The following TRMT11 variants were observed in gnomAD, a reference collection of about 807,000 sequenced individuals.
TRMT11 encodes the protein tRNA methyltransferase 11, also known as tRNA (guanine(10)-N(2))-methyltransferase TRMT11.
In TRMT11, 53 loss-of-function variants were observed where a neutral mutation model predicts 62.8. The ratio of observed to expected loss-of-function variants is 0.84; its 90% CI spans 0.68 to 1.06. The LOEUF (loss-of-function observed/expected upper bound fraction) is 1.06. Ranked by LOEUF, TRMT11 falls within the 50% of genes least tolerant of loss-of-function variation. TRMT11 has a pLI of 0.00. For missense variants in TRMT11, 556 were observed against 553.4 expected (o/e 1.00, Z -0.05); for synonymous variants, 188 against 190.3 (o/e 0.99, Z 0.10).
chr6:126,266,289 TCA>T, the TRMT11 span, among the ~76,000 whole-genome samples: 9 of 152,288 alleles, frequency 5.9e-5, no homozygotes, highest in African/African-American at 2.2e-4. Context: ...CTTGGGGCGC[TCA>T]GAATGTGAAG....
At position 126,047,165 on chromosome 6, in the gene TRMT11, G is replaced by A. The variant is rs112255635; in HGVS notation, c.*1370-5958G>A. Among the ~76,000 whole-genome samples, 205 of 151,950 alleles carry A rather than the reference G, an allele frequency of 1.3e-3. 2 individuals carry two copies. Among genetic ancestry groups the A allele is most frequent in the African/African-American group, 4.7e-3 (197 of 41,474 alleles). On this transcript the variant is annotated intron_variant and NMD_transcript_variant, in intron 16 of 22. Transcript: ENST00000648977. ...GCAGGGAAATACTGGGTAGAAGAGG[G>A]CAGCGCCCTGACAAAGGCCCCACCC...
downstream of TRMT11, among the ~76,000 whole-genome samples, chr6:126,042,406 G>A (rs1775906880): frequency 6.6e-6 from 1 of 152,168 alleles, no homozygotes; most frequent in African/African-American, 2.4e-5. Context: ...TTTGGGGGAT[G>A]GAGGTTTAAT....
chr6:126,079,129 A>G (rs559725059), intron 17 of TRMT11, among the ~76,000 whole-genome samples: 1 of 152,308 alleles, frequency 6.6e-6, no homozygotes, highest in Admixed American at 6.5e-5. Context: ...CAGTGTCTCC[A>G]GAGAGAATCA....
intron 16 of TRMT11, among the ~76,000 whole-genome samples, chr6:126,045,613 C>T (rs910574368): frequency 6.6e-6 from 1 of 152,098 alleles, no homozygotes; most frequent in Non-Finnish European, 1.5e-5. Flanking sequence ...TTTTTGCTAA[C>T]CCTTTTCTGG....
intron 17 of TRMT11, among the ~76,000 whole-genome samples, chr6:126,106,541 C>T (rs867385354): frequency 6.6e-6 from 1 of 152,082 alleles, no homozygotes; most frequent in African/African-American, 2.4e-5. Flanking sequence ...GGCTAGAATT[C>T]GAAGATAGAT....
At chr6:126,064,131 G>T (rs1583855771) in intron 17 of TRMT11, among the ~76,000 whole-genome samples, 1 of 152,208 alleles carries the variant, frequency 6.6e-6, no homozygotes, top group African/African-American at 2.4e-5. Flanking sequence ...CGTGAGCACT[G>T]GGGGAGGGAG....
upstream of TRMT11, among the ~76,000 whole-genome samples, chr6:126,172,909 G>T (rs1303056420): frequency 6.6e-6 from 1 of 152,186 alleles, no homozygotes; most frequent in Admixed American, 6.5e-5. Context: ...CAGAAGGGAA[G>T]GGAGTTTATA....
chr6:126,150,397 A>G (rs1263816639), intron 21 of TRMT11, among the ~76,000 whole-genome samples: 1 of 152,222 alleles, frequency 6.6e-6, no homozygotes, highest in Non-Finnish European at 1.5e-5. Flanking sequence ...AAACAATAGA[A>G]AATGAACCAA....
chr6:126,257,658 T>C, the TRMT11 span, among the ~76,000 whole-genome samples: 1 of 152,322 alleles, frequency 6.6e-6, no homozygotes, highest in South Asian at 2.1e-4. Context: ...CTTTTTATTA[T>C]TTTTATTTTT....
At chr6:126,264,977 G>C in the TRMT11 span, among the ~76,000 whole-genome samples, 1 of 152,164 alleles carries the variant, frequency 6.6e-6, no homozygotes, top group Non-Finnish European at 1.5e-5. Context: ...AAATGGGAAA[G>C]TCAAGGTTCA....
chr6:126,014,591 C>G (rs891259193), intron 11 of TRMT11, among the ~76,000 whole-genome samples: 1 of 152,182 alleles, frequency 6.6e-6, no homozygotes, highest in African/African-American at 2.4e-5. Flanking sequence ...TGGTAACTGT[C>G]TTTTTCTACA....
downstream of TRMT11, among the ~76,000 whole-genome samples, chr6:126,204,673 G>T (rs1319720123): frequency 6.6e-6 from 1 of 152,190 alleles, no homozygotes; most frequent in Non-Finnish European, 1.5e-5. Flanking sequence ...TTGTCTTGGG[G>T]TGGTGAGATT....
intron 11 of TRMT11, among the ~76,000 whole-genome samples, chr6:126,018,519 C>T (rs377416755): frequency 6.6e-6 from 1 of 151,672 alleles, no homozygotes; most frequent in African/African-American, 2.4e-5. Flanking sequence ...ACCCCCTTAA[C>T]GTATACAACT....
At chr6:126,226,332 A>C in the TRMT11 span, among the ~76,000 whole-genome samples, 2 of 152,176 alleles carry the variant, frequency 1.3e-5, no homozygotes, top group Non-Finnish European at 2.9e-5. Context: ...TCAAAATAAA[A>C]AAATTCAGGC....
chr6:126,203,686 A>G (rs527431586), downstream of TRMT11, among the ~76,000 whole-genome samples: 2 of 152,308 alleles, frequency 1.3e-5, no homozygotes, highest in East Asian at 3.9e-4. Flanking sequence ...GTTATTTGTG[A>G]TAGTCAAAAA....
chr6:126,261,656 G>C, the TRMT11 span, among the ~76,000 whole-genome samples: 1 of 152,126 alleles, frequency 6.6e-6, no homozygotes, highest in Admixed American at 6.5e-5. Context: ...TTGGTTTTGG[G>C]TGAGTCAGTA....
chr6:126,249,621 A>G, the TRMT11 span, among the ~76,000 whole-genome samples: 2 of 152,180 alleles, frequency 1.3e-5, no homozygotes, highest in African/African-American at 4.8e-5. Context: ...TTTTATTTGA[A>G]GACACAGATG....
intron 7 of TRMT11, among the ~76,000 whole-genome samples, chr6:126,006,538 T>C (rs1793380683): frequency 1.3e-5 from 2 of 151,966 alleles, no homozygotes; most frequent in African/African-American, 4.8e-5. Context: ...ATTTTTACTT[T>C]TGGTAACGCA....
At chr6:126,205,142 TA>T (rs1778777473), downstream of TRMT11, among the ~76,000 whole-genome samples, 2 of 152,198 alleles carry the variant, frequency 1.3e-5, no homozygotes, top group Admixed American at 1.3e-4. Flanking sequence ...AGTGCATTTA[TA>T]GGGAGAGGAG....
Sources: allele counts gnomAD v4.1 joint callset (sites outside exome capture counted in the v4.1 genomes callset), GRCh38; gene constraint gnomAD v4.1.1; transcripts MANE v1.5; gene names NCBI Gene and HGNC (gene_info 2026-07-23, HGNC 2026-07-21).